The following PPRC1 variants were observed in gnomAD, a reference collection of about 807,000 sequenced individuals.
The protein encoded by PPRC1 is PPARG related coactivator 1.
A neutral mutation model predicts 132.5 loss-of-function variants in PPRC1; 23 were observed. The observed-to-expected ratio is 0.17, with a 90% CI of 0.12 to 0.25. The LOEUF (loss-of-function observed/expected upper bound fraction) is 0.25. Ranked by LOEUF, PPRC1 falls within the 10% of genes least tolerant of loss-of-function variation. PPRC1 has a pLI of 1.00. For missense variants in PPRC1, 2,006 were observed against 2,089.1 expected, an observed-to-expected ratio of 0.96 and a Z score of 0.78; for synonymous variants, 872 against 833.5, an observed-to-expected ratio of 1.05 and a Z score of -0.80.
the PPRC1 span, among the ~76,000 whole-genome samples, chr10:102,126,840 C>T: frequency 2.0e-5 from 3 of 151,854 alleles, no homozygotes; most frequent in East Asian, 5.8e-4. Flanking sequence ...GACTCCTCCC[C>T]TCTTGTCCAT....
At position 102,144,294 on chromosome 10, in the gene PPRC1, G is replaced by C. The variant is rs775777147; in HGVS notation, c.3595G>C (p.Val1199Leu). 1 of 1,614,056 alleles carries C rather than the reference G, an allele frequency of 6.2e-7. No individual in the cohort carries two copies. Among genetic ancestry groups the C allele is most frequent in the South Asian group, 1.1e-5 (1 of 91,076 alleles). ...TCCGGCTCCTGCTGACAGCTTGGCT[G>C]TAGGAAACTCAGGGTAAGTATGGAG... ...PPPAPADSLA[V>L]GNSGGVDIPQ... The change falls in exon 7 of 14, where the codon GTA becomes CTA. Residue 1199 changes from valine (V) to leucine (L), a missense_variant. Coordinates refer to ENST00000278070, the MANE Select transcript of PPRC1 (RefSeq NM_015062.5).
the PPRC1 span, among the ~76,000 whole-genome samples, chr10:102,125,876 T>C: frequency 6.6e-6 from 1 of 151,660 alleles, no homozygotes; most frequent in Non-Finnish European, 1.5e-5. Context: ...TTTTTTTTTT[T>C]TTTTAGACAG....
chr10:102,141,737 C>T lies in PPRC1; in HGVS notation c.3229C>T (p.Pro1077Ser). 6.2e-7 allele frequency: 1 copy of T among 1,613,938 alleles called. No individual in the cohort carries two copies. Among genetic ancestry groups the T allele is most frequent in the Non-Finnish European group, 8.5e-7 (1 of 1,179,914 alleles). Residue 1077 changes from proline (P) to serine (S), a missense_variant, in exon 5 of 14, where the codon CCC (proline) becomes TCC (serine). This residue lies in a region of PPRC1 where 1,914 missense variants were observed against 1,917.2 expected (regional missense o/e 1.00). Coordinates refer to ENST00000278070, the MANE Select transcript of PPRC1 (RefSeq NM_015062.5). ...KHKVSALVQS[P>S]QMKALACVSA... is the part of the protein sequence containing the mutation. ...CAAGGTGTCTGCCCTGGTGCAAAGT[C>T]CCCAGATGAAGGCTCTAGCATGTGT...
chr10:102,123,830 G>C, the PPRC1 span, among the ~76,000 whole-genome samples: 1 of 144,294 alleles, frequency 6.9e-6, no homozygotes, highest in African/African-American at 2.5e-5. Context: ...CACCACGCCC[G>C]GCCTTTTTTT....
In PPRC1 at chr10:102,147,182, C is replaced by G; in HGVS notation, c.4190C>G (p.Ala1397Gly). 1 of 1,614,112 alleles carries G rather than the reference C, an allele frequency of 6.2e-7. No homozygotes were observed. The highest frequency in any genetic ancestry group is 1.6e-4 in the Middle Eastern group (1 of 6,062). Reference protein sequence around the residue: ...MNTRTPPEPSAKQRSMRCYRK... With the variant: ...MNTRTPPEPSGKQRSMRCYRK... ...ACTAGGACTCCCCCTGAACCCTCAGCCAAGCAGCGGTCAATGCGCTGTTAC... is the reference window on the plus strand; with the variant it reads ...ACTAGGACTCCCCCTGAACCCTCAGGCAAGCAGCGGTCAATGCGCTGTTAC... The change falls in exon 9 of 14, where the codon GCC becomes GGC. Residue 1397 changes from alanine (A) to glycine (G), a missense_variant. By Grantham distance (60) the Ala-to-Gly change is moderately conservative. This residue lies in a region of PPRC1 where 1,914 missense variants were observed against 1,917.2 expected (regional missense o/e 1.00). Coordinates refer to ENST00000278070, the MANE Select transcript of PPRC1 (RefSeq NM_015062.5).
chr10:102,142,400 CTTTTTTTTTTTTTTTTT>C (rs71016364), intron 5 of PPRC1, among the ~76,000 whole-genome samples: 9 of 61,232 alleles, frequency 1.5e-4, no homozygotes, highest in East Asian at 3.9e-4. Flanking sequence ...TGCACCATGC[CTTTTTTTTTTTTTTTTT>C]TTTTTTTTTT....
chr10:102,124,289 T>C, the PPRC1 span, among the ~76,000 whole-genome samples: 2 of 151,486 alleles, frequency 1.3e-5, no homozygotes, highest in African/African-American at 2.4e-5. Context: ...GGTCTCGAAC[T>C]CCTGACCTTG....
At position 102,140,839 on chromosome 10, in the gene PPRC1, G is replaced by A. The variant is rs749827938; in HGVS notation, c.2331G>A (p.Gly777=). Reference sequence around the variant, plus strand: ...AGAGAAGTCCACAGCCCCCAACTGGGAAGTGGCCTAGCCTTCCAGAGACTC... The same window carrying A: ...AGAGAAGTCCACAGCCCCCAACTGGAAAGTGGCCTAGCCTTCCAGAGACTC... ...TEERSPQPPT[G]KWPSLPETPT... The change falls in exon 5 of 14, where the codon GGG becomes GGA. Residue 777 remains glycine, a synonymous_variant. Transcript: ENST00000278070. 2.2e-5 allele frequency: 35 copies of A among 1,614,028 alleles called. 1 individual carries two copies. In the South Asian group the frequency reaches 3.5e-4, roughly 16 times the overall value.
chr10:102,140,378 C>A lies in PPRC1; in HGVS notation c.1870C>A (p.Pro624Thr). The change falls in exon 5 of 14, where the codon CCT becomes ACT. Residue 624 changes from proline (P) to threonine (T), a missense_variant. By Grantham distance (38) the Pro-to-Thr change is conservative. This residue lies in a region of PPRC1 where 1,914 missense variants were observed against 1,917.2 expected (regional missense o/e 1.00). Transcript: ENST00000278070. Reference sequence around the variant, plus strand: ...TTCAACCAGCTCAGAACTGGTTGAGCCTCTCCCGGCTGAGCCAGTGCTGAT... The same window carrying A: ...TTCAACCAGCTCAGAACTGGTTGAGACTCTCCCGGCTGAGCCAGTGCTGAT... ...LASTSSELVE[P>T]LPAEPVLINP... 6.2e-7 allele frequency: 1 copy of A among 1,614,178 alleles called. No individual in the cohort carries two copies. The highest frequency in any genetic ancestry group is 8.5e-7 in the Non-Finnish European group (1 of 1,180,028).
Position 102,148,651 on chromosome 10 carries a change from A to G in PPRC1, c.4574A>G (p.Asp1525Gly), listed in dbSNP as rs775610986. The G allele has an allele frequency of 6.2e-7, 1 of 1,614,098 alleles. No homozygotes were observed. Among genetic ancestry groups the G allele is most frequent in the Non-Finnish European group, 8.5e-7 (1 of 1,180,036 alleles). Residue 1525 changes from aspartate to glycine, a missense_variant, in exon 11 of 14, where the codon GAC (aspartate) becomes GGC (glycine). Asp to Gly is a moderately conservative substitution (Grantham distance 94, BLOSUM62 -1). This residue lies in a region of PPRC1 where 1,914 missense variants were observed against 1,917.2 expected (regional missense o/e 1.00). Transcript: ENST00000278070. The surrounding 1 kb of genome is among the most constrained non-coding windows in gnomAD (Gnocchi z 4.2). ...AGGTACAGCTCTTATCGTTCACATG[A>G]CCATTACCAAAGGCAAAGAGTGCTA... ...RRRYSSYRSHDHYQRQRVLQK... is the reference protein window; with the variant it reads ...RRRYSSYRSHGHYQRQRVLQK...
chr10:102,127,019 TCA>T, the PPRC1 span, among the ~76,000 whole-genome samples: 156 of 78,864 alleles, frequency 2.0e-3, 5 homozygotes, highest in Middle Eastern at 0.011. Flanking sequence ...TGGTTTTTTA[TCA>T]TATATATATA....
chr10:102,128,494 T>C (rs1036277325), upstream of PPRC1, among the ~76,000 whole-genome samples: 1 of 151,862 alleles, frequency 6.6e-6, no homozygotes, highest in Non-Finnish European at 1.5e-5. Flanking sequence ...ATAGTACTGC[T>C]TATAACATGG....
the PPRC1 span, among the ~76,000 whole-genome samples, chr10:102,123,666 G>T: frequency 6.6e-6 from 1 of 151,814 alleles, no homozygotes; most frequent in African/African-American, 2.4e-5. Context: ...GAGTAGCTGG[G>T]ATTACAGGCA....
At position 102,140,226 on chromosome 10, in the gene PPRC1, A is replaced by G; in HGVS notation, c.1718A>G (p.His573Arg). 1.2e-6 allele frequency: 2 copies of G among 1,613,964 alleles called. No homozygotes were observed. The highest frequency in any genetic ancestry group is 1.1e-5 in the South Asian group (1 of 91,046). ...ATCCAAACCAATCCTATACCAACCC[A>G]TCTCTCATTGGTCGACTCTGCCCAA... ...DTIQTNPIPT[H>R]LSLVDSAQAS... is the part of the protein sequence containing the mutation. The change falls in exon 5 of 14, where the codon CAT becomes CGT. Residue 573 changes from histidine (H) to arginine (R), a missense_variant. Transcript: ENST00000278070.
In PPRC1 at chr10:102,141,454, G is replaced by A; in HGVS notation, c.2946G>A (p.Leu982=). The A allele has an allele frequency of 1.2e-6, 2 of 1,613,788 alleles. No individual in the cohort carries two copies. Among genetic ancestry groups the A allele is most frequent in the Non-Finnish European group, 1.7e-6 (2 of 1,179,974 alleles). Reference sequence around the variant, plus strand: ...GTTCCACATGTACCTATGGGCCCTTGGGATGGGGCCCAGGGCCTCAACATG... The same window carrying A: ...GTTCCACATGTACCTATGGGCCCTTAGGATGGGGCCCAGGGCCTCAACATG... ...PYSSTCTYGP[L]GWGPGPQHAP... Residue 982 remains leucine, a synonymous_variant, in exon 5 of 14, where the codon TTG becomes TTA. Transcript: ENST00000278070.
chr10:102,148,599 G>C lies in PPRC1; in HGVS notation c.4551-29G>C, dbSNP rs2069371098. The C allele has an allele frequency of 6.2e-7, 1 of 1,613,812 alleles. No homozygotes were observed. Among genetic ancestry groups the C allele is most frequent in the South Asian group, 1.1e-5 (1 of 91,072 alleles). On this transcript the variant is annotated intron_variant, in intron 10 of 13. Transcript: ENST00000278070. The surrounding 1 kb of genome is among the most constrained non-coding windows in gnomAD (Gnocchi z 4.2). ...TTGAGTCTTGAATTGTCTTATGTTTGGGGGGCTGATGACACCCTCTTTTGT... is the reference window on the plus strand; with the variant it reads ...TTGAGTCTTGAATTGTCTTATGTTTCGGGGGCTGATGACACCCTCTTTTGT...
chr10:102,150,130 T>A lies in PPRC1; in HGVS notation c.*101T>A. ...GGGAGAGAGCTGCTAGTGAGATGAC[T>A]GTTTTATAAAGAAATGGAAAAAAGT... is the stretch of plus-strand genomic sequence containing the variant. On this transcript the variant is annotated 3_prime_UTR_variant, in exon 14 of 14. Coordinates refer to ENST00000278070, the MANE Select transcript of PPRC1 (RefSeq NM_015062.5). 5.3e-6 allele frequency: 4 copies of A among 755,978 alleles called. No individual in the cohort carries two copies. The highest frequency in any genetic ancestry group is 8.8e-6 in the Non-Finnish European group (4 of 454,304). 46.8% of individuals were successfully genotyped at this position (755,978 alleles called of 1,614,324 possible).
chr10:102,131,203 A>G (rs2068536218), upstream of PPRC1, among the ~76,000 whole-genome samples: 1 of 150,822 alleles, frequency 6.6e-6, no homozygotes, highest in Admixed American at 6.6e-5. Context: ...CAAAAAAAAA[A>G]AAAAAAAAAT....
Position 102,140,926 on chromosome 10 carries a change from T to A in PPRC1, c.2418T>A (p.Ala806=). The A allele has an allele frequency of 6.2e-7, 1 of 1,613,956 alleles. No individual in the cohort carries two copies. Reference sequence around the variant, plus strand: ...CACCAGCCCCAGCCAAGAAGACAGCTCTGCAGAGAAGCCCTGAAACACCCC... The same window carrying A: ...CACCAGCCCCAGCCAAGAAGACAGCACTGCAGAGAAGCCCTGAAACACCCC... ...VIPPAPAKKT[A]LQRSPETPLE... The change falls in exon 5 of 14, where the codon GCT becomes GCA. Residue 806 remains alanine, a synonymous_variant. Transcript: ENST00000278070.
Sources: gnomAD v4.1 joint callset for allele counts (sites outside exome capture counted in the v4.1 genomes callset) on GRCh38, gnomAD v4.1.1 for gene constraint, gnomAD v4.1.1 regional missense constraint, Gnocchi (gnomAD v3.1) non-coding constraint, MANE v1.5 for transcripts, NCBI Gene and HGNC (gene_info 2026-07-23, HGNC 2026-07-21) for gene names.